Variants in PDE4B observed in about 807,000 individuals in gnomAD.
PDE4B encodes phosphodiesterase 4B, also known as 3',5'-cyclic-AMP phosphodiesterase 4B.
Under a neutral mutation model 82.2 loss-of-function variants are expected in PDE4B, and 20 were observed. The ratio of observed to expected loss-of-function variants is 0.24; its 90% CI spans 0.17 to 0.35. The LOEUF is 0.35. Ranked by LOEUF, PDE4B falls within the 10% of genes least tolerant of loss-of-function variation. The pLI is 1.00. For missense variants in PDE4B, 655 were observed against 907.2 expected, an observed-to-expected ratio of 0.72 and a Z score of 3.57; for synonymous variants, 320 against 318.9, an observed-to-expected ratio of 1.00 and a Z score of -0.04.
chr1:66,230,766 C>T (rs566955847), intron 3 of PDE4B, among the ~76,000 whole-genome samples: 2 of 152,108 alleles, frequency 1.3e-5, no homozygotes, highest in Admixed American at 6.5e-5. Flanking sequence ...TAGTTCCTGA[C>T]CAGGTGCAGT....
intron 3 of PDE4B, among the ~76,000 whole-genome samples, chr1:66,160,284 C>T (rs1193846173): frequency 7.2e-5 from 11 of 152,316 alleles, no homozygotes; most frequent in South Asian, 2.1e-4. Context: ...TTGAGGTTGG[C>T]GCTGCCTCTA....
chr1:65,879,609 A>G (rs1017569892), intron 1 of PDE4B, among the ~76,000 whole-genome samples: 2 of 152,182 alleles, frequency 1.3e-5, no homozygotes, highest in Non-Finnish European at 2.9e-5. Context: ...AGAAATAGGA[A>G]ACTAGAACCC....
At chr1:66,022,967 T>C (rs567435509) in intron 3 of PDE4B, among the ~76,000 whole-genome samples, 2 of 152,308 alleles carry the variant, frequency 1.3e-5, no homozygotes, top group East Asian at 3.9e-4. Flanking sequence ...GGCTATTAAT[T>C]ATTGCCTCAA....
intron 3 of PDE4B, among the ~76,000 whole-genome samples, chr1:66,167,482 TGTTA>T (rs1243250098): frequency 2.0e-5 from 3 of 152,196 alleles, no homozygotes; most frequent in Non-Finnish European, 4.4e-5. Context: ...GGCCACTCCC[TGTTA>T]GTTAGGAGTA....
chr1:66,143,722 A>C (rs920224434), intron 3 of PDE4B, among the ~76,000 whole-genome samples: 2 of 152,206 alleles, frequency 1.3e-5, no homozygotes, highest in African/African-American at 4.8e-5. Flanking sequence ...ACATAAGCAG[A>C]AGTTGAAATA....
chr1:66,154,948 C>T (rs1488070942), intron 3 of PDE4B, among the ~76,000 whole-genome samples: 2 of 152,026 alleles, frequency 1.3e-5, no homozygotes, highest in Admixed American at 6.6e-5. Context: ...GAGGCTGAGG[C>T]GCGAGGAATG....
intron 1 of PDE4B, among the ~76,000 whole-genome samples, chr1:65,909,744 G>T (rs1454235894): frequency 6.6e-6 from 1 of 152,136 alleles, no homozygotes; most frequent in African/African-American, 2.4e-5. Context: ...TTTTATAAGG[G>T]ACAGTAATCT....
chr1:65,868,717 G>A (rs934747046), intron 1 of PDE4B, among the ~76,000 whole-genome samples: 2 of 152,176 alleles, frequency 1.3e-5, no homozygotes, highest in Non-Finnish European at 1.5e-5. Context: ...GGGCCACGCA[G>A]CCGCAGGTGA....
At chr1:66,029,694 A>G (rs1411502372) in intron 3 of PDE4B, among the ~76,000 whole-genome samples, 1 of 152,170 alleles carries the variant, frequency 6.6e-6, no homozygotes, top group Non-Finnish European at 1.5e-5. Context: ...AATAAGCACT[A>G]CTGACAAAGT....
chr1:65,979,494 A>G (rs1274857806), intron 3 of PDE4B, among the ~76,000 whole-genome samples: 2 of 152,204 alleles, frequency 1.3e-5, no homozygotes, highest in Admixed American at 6.5e-5. Flanking sequence ...TTTTCTGCTT[A>G]TGGAAGGTCA....
chr1:66,089,479 A>T (rs921240036), intron 3 of PDE4B, among the ~76,000 whole-genome samples: 13 of 152,108 alleles, frequency 8.5e-5, no homozygotes, highest in African/African-American at 3.1e-4. Flanking sequence ...CTGAGTGGTC[A>T]TGCTGACATA....
intron 1 of PDE4B, among the ~76,000 whole-genome samples, chr1:65,868,492 C>T (rs1571040544): frequency 6.6e-6 from 1 of 152,192 alleles, no homozygotes; most frequent in East Asian, 1.9e-4. Flanking sequence ...TTCCACTGTT[C>T]CTCCTTCTTC....
intron 3 of PDE4B, among the ~76,000 whole-genome samples, chr1:66,218,195 T>A (rs147734181): frequency 5.9e-5 from 9 of 152,224 alleles, no homozygotes; most frequent in African/African-American, 1.4e-4. Flanking sequence ...TAGTAGCTTC[T>A]AACTACCAAA....
At chr1:65,876,158 C>T (rs1646641161) in intron 1 of PDE4B, among the ~76,000 whole-genome samples, 1 of 151,958 alleles carries the variant, frequency 6.6e-6, no homozygotes, top group Admixed American at 6.6e-5. Flanking sequence ...AATTTTTAGC[C>T]TGAATCACTT....
chr1:65,963,289 T>C (rs1159902165), intron 3 of PDE4B, among the ~76,000 whole-genome samples: 26 of 152,150 alleles, frequency 1.7e-4, no homozygotes, highest in Admixed American at 1.6e-3. Context: ...CTGCAGGCAG[T>C]GGGAGGCCTG....
rs71058454 is a variant in PDE4B, at chr1:66,141,327, A to AATATATATAT, written c.282-106102_282-106093dup. On this transcript the variant is annotated intron_variant, in intron 3 of 16. Coordinates refer to ENST00000341517, the MANE Select transcript of PDE4B (RefSeq NM_002600.4). Reference sequence around the variant, plus strand: ...AGCAGTGCAGATAGAAAGCTTTGAGAATATATATATATATATATATATATA... The same window carrying AATATATATAT: ...AGCAGTGCAGATAGAAAGCTTTGAGAATATATATATATATATATATATATATATATATATA... Among the ~76,000 whole-genome samples, 49 of 91,448 alleles carry AATATATATAT rather than the reference A, an allele frequency of 5.4e-4. 1 individual carries two copies. Among genetic ancestry groups the AATATATATAT allele is most frequent in the East Asian group, 7.3e-4 (2 of 2,728 alleles). The allele number at this position is 91,448 out of a possible 152,430, so 60.0% of individuals were successfully genotyped here.
chr1:66,195,836 G>A (rs1322776263), intron 3 of PDE4B, among the ~76,000 whole-genome samples: 1 of 152,008 alleles, frequency 6.6e-6, no homozygotes, highest in Non-Finnish European at 1.5e-5. Flanking sequence ...CCTGCAAGAA[G>A]CAGCAAAAAC....
chr1:65,811,028 A>G (rs564955707), intron 1 of PDE4B, among the ~76,000 whole-genome samples: 1 of 152,230 alleles, frequency 6.6e-6, no homozygotes, highest in African/African-American at 2.4e-5. Context: ...GGCCTCTACC[A>G]ACTAGATGCA....
In PDE4B at chr1:66,205,971, T is replaced by G. The variant is rs541895463; in HGVS notation, c.282-41489T>G. ...GGACTTTCTAGACACTCACAGTGAC[T>G]ATAGGGACAAAAAGGGAAGGTGGAG... On this transcript the variant is annotated intron_variant, in intron 3 of 16. Transcript: ENST00000341517. 2.6e-5 allele frequency among the ~76,000 whole-genome samples: 4 copies of G among 152,312 alleles called. 1 individual carries two copies. The highest frequency in any genetic ancestry group is 2.0e-4 in the Admixed American group (3 of 15,288).
Sources: gnomAD v4.1 joint callset for allele counts (sites outside exome capture counted in the v4.1 genomes callset) on GRCh38, gnomAD v4.1.1 for gene constraint, MANE v1.5 for transcripts, NCBI Gene and HGNC (gene_info 2026-07-23, HGNC 2026-07-21) for gene names.